Variants in WDR41 observed in about 807,000 individuals in gnomAD.
The protein encoded by WDR41 is WD repeat domain 41.
WDR41 carries 63 observed loss-of-function variants against 69.3 expected under a neutral mutation model. The ratio of observed to expected loss-of-function variants is 0.91; its 90% CI spans 0.74 to 1.12. The LOEUF (loss-of-function observed/expected upper bound fraction) is 1.12, where lower values mean the gene tolerates loss of function less well. Ranked by LOEUF, WDR41 falls within the 50% of genes most tolerant of loss-of-function variation. The pLI, the probability that WDR41 is intolerant of heterozygous loss-of-function variation, is 0.00. For synonymous variants in WDR41, 185 were observed against 192.1 expected, an observed-to-expected ratio of 0.96 and a Z score of 0.31; for missense variants, 543 against 534.5, an observed-to-expected ratio of 1.02 and a Z score of -0.16.
intron 1 of WDR41, among the ~76,000 whole-genome samples, chr5:77,543,694 G>A (rs1302168111): frequency 6.6e-6 from 1 of 152,090 alleles, no homozygotes; most frequent in Admixed American, 6.5e-5. Context: ...CGGTGTTCCT[G>A]AGGAAGAAGA....
intron 1 of WDR41, among the ~76,000 whole-genome samples, chr5:77,572,632 A>G (rs1052261198): frequency 1.3e-5 from 2 of 152,230 alleles, no homozygotes; most frequent in Admixed American, 1.3e-4. Context: ...TCTTAAGGAC[A>G]GTGGATGAAT....
chr5:77,599,079 C>T (rs1744278409), intron 1 of WDR41, among the ~76,000 whole-genome samples: 1 of 151,092 alleles, frequency 6.6e-6, no homozygotes, highest in African/African-American at 2.4e-5. Context: ...AAGTCTAAAA[C>T]CAGTTGCATA....
rs3149 is a variant in WDR41, at chr5:77,432,611, A to C, written c.*524T>G. ...TAGCTAGAACTAAAAAACATTTTTAAAATTATCTAAACAAATTGGTACCAA... is the reference window on the plus strand; with the variant it reads ...TAGCTAGAACTAAAAAACATTTTTACAATTATCTAAACAAATTGGTACCAA... On this transcript the variant is annotated 3_prime_UTR_variant, in exon 13 of 13. Transcript: ENST00000296679. 22,301 of 152,224 alleles carry C rather than the reference A, an allele frequency of 0.15. 1,886 individuals carry two copies. Among genetic ancestry groups the C allele is most frequent in the South Asian group, 0.21 (991 of 4,826 alleles). The allele number at this position is 152,224 out of a possible 1,614,324, so 9.4% of individuals were successfully genotyped here.
chr5:77,477,592 T>C lies in WDR41; in HGVS notation c.167+11865A>G, dbSNP rs1375532809. ...AATGACTACTGGGTACATAACGAAATGAAGGCAGAAATAAAGATGTTCTTT... is the reference window on the plus strand; with the variant it reads ...AATGACTACTGGGTACATAACGAAACGAAGGCAGAAATAAAGATGTTCTTT... On this transcript the variant is annotated intron_variant, in intron 2 of 12. Transcript: ENST00000296679. Among the ~76,000 whole-genome samples, 83 of 85,968 alleles carry C rather than the reference T, an allele frequency of 9.7e-4. 26 individuals are homozygous for C. Among genetic ancestry groups the C allele is most frequent in the Non-Finnish European group, 6.5e-4 (33 of 50,434 alleles). The allele number at this position is 85,968 out of a possible 152,430, so 56.4% of individuals were successfully genotyped here. A position where few individuals can be genotyped will look rare whatever the true frequency, so the allele number is the denominator to read the frequency against.
rs569607043 is a variant in WDR41, at chr5:77,502,554, A to G, written c.43-12982T>C. Among the ~76,000 whole-genome samples the G allele has an allele frequency of 5.9e-5, 9 of 152,340 alleles. No individual in the cohort carries two copies. In the South Asian group the frequency reaches 1.7e-3, roughly 28 times the overall value. ...GATACTCCTCAAGAAGAGCAACCCC[A>G]AGACACATAATTATCAGATTCACCA... is the stretch of plus-strand genomic sequence containing the variant. On this transcript the variant is annotated intron_variant, in intron 1 of 5. Transcript: ENST00000509971.
intron 11 of WDR41, 109 bp from the exon 12 acceptor site, chr5:77,436,503 G>A (rs1798940714): frequency 2.9e-6 from 4 of 1,362,930 alleles, no homozygotes; most frequent in Admixed American, 4.0e-5. Flanking sequence ...TTTAGTCAAG[G>A]GCTAAGTGGA....
At chr5:77,457,185 T>C (rs1282957626) in intron 5 of WDR41, among the ~76,000 whole-genome samples, 1 of 152,186 alleles carries the variant, frequency 6.6e-6, no homozygotes, top group Non-Finnish European at 1.5e-5. Context: ...TCCTTTATTC[T>C]TACTATGGTG....
At chr5:77,529,601 T>C (rs1802497211) in intron 1 of WDR41, among the ~76,000 whole-genome samples, 1 of 151,608 alleles carries the variant, frequency 6.6e-6, no homozygotes, top group Non-Finnish European at 1.5e-5. Flanking sequence ...GAAGACTTGC[T>C]TTATCATATA....
chr5:77,507,031 A>G (rs771117528), intron 1 of WDR41, among the ~76,000 whole-genome samples: 3 of 152,240 alleles, frequency 2.0e-5, no homozygotes, highest in Non-Finnish European at 4.4e-5. Context: ...AACTTAAAGT[A>G]TAATTTTAAA....
intron 1 of WDR41, among the ~76,000 whole-genome samples, chr5:77,610,105 G>C (rs1367319796): frequency 6.6e-6 from 1 of 152,092 alleles, no homozygotes; most frequent in Non-Finnish European, 1.5e-5. Context: ...GAAGTTTAGA[G>C]AAAAAAGAAT....
intron 1 of WDR41, among the ~76,000 whole-genome samples, chr5:77,539,477 A>T (rs1237217808): frequency 6.6e-6 from 1 of 152,074 alleles, no homozygotes; most frequent in Non-Finnish European, 1.5e-5. Context: ...TGCCTTTCTA[A>T]TGAGCTCTCT....
chr5:77,437,707 T>TA (rs1798998017), intron 10 of WDR41, among the ~76,000 whole-genome samples: 1 of 152,218 alleles, frequency 6.6e-6, no homozygotes, highest in Non-Finnish European at 1.5e-5. Context: ...CACAATGTCC[T>TA]AAGCAGCCCC....
chr5:77,505,206 G>A (rs546213009), intron 1 of WDR41, among the ~76,000 whole-genome samples: 34 of 152,128 alleles, frequency 2.2e-4, no homozygotes, highest in African/African-American at 7.2e-4. Context: ...AATGTGCAAA[G>A]ATCACAAGCA....
chr5:77,470,799 A>G (rs1800558398), intron 2 of WDR41, among the ~76,000 whole-genome samples: 1 of 152,192 alleles, frequency 6.6e-6, no homozygotes, highest in South Asian at 2.1e-4. Flanking sequence ...AGACCTAGAA[A>G]GAGACTTAGA....
At chr5:77,433,936 A>G (rs1378622944) in intron 12 of WDR41, among the ~76,000 whole-genome samples, 1 of 152,176 alleles carries the variant, frequency 6.6e-6, no homozygotes, top group Non-Finnish European at 1.5e-5. Context: ...AGGAAAACAG[A>G]GTGTTGACAA....
intron 3 of WDR41, 79 bp downstream of exon 3, chr5:77,464,682 C>T (rs945959982): frequency 5.0e-5 from 70 of 1,394,820 alleles, no homozygotes; most frequent in Non-Finnish European, 7.1e-5. Flanking sequence ...AATGTATCCC[C>T]AGATAGTATT....
intron 4 of WDR41, among the ~76,000 whole-genome samples, chr5:77,461,237 TGAGA>T (rs924633004): frequency 1.3e-5 from 2 of 152,228 alleles, no homozygotes; most frequent in South Asian, 2.1e-4. Flanking sequence ...CCTAACCATC[TGAGA>T]GAATTTTATG....
In WDR41 at chr5:77,438,359, A is replaced by C; in HGVS notation, c.885T>G (p.Asn295Lys). Residue 295 changes from asparagine (N) to lysine (K), a missense_variant and splice_region_variant, in exon 10 of 13, where the codon AAT (asparagine) becomes AAG (lysine). Transcript: ENST00000296679. ...SIHHFTCDEE[N>K]VFAAVGRGLY... is the part of the protein sequence containing the mutation. ...AACCCCTTCCAACTGCAGCAAATAC[A>C]TTCTAGGGGAAGAAGTTCAGAAATG... The C allele has an allele frequency of 6.2e-7, 1 of 1,613,764 alleles. No homozygotes were observed. The highest frequency in any genetic ancestry group is 8.5e-7 in the Non-Finnish European group (1 of 1,179,754).
chr5:77,484,778 T>G (rs994292207), intron 2 of WDR41, among the ~76,000 whole-genome samples: 1 of 152,188 alleles, frequency 6.6e-6, no homozygotes, highest in Non-Finnish European at 1.5e-5. Context: ...AATACCTGCC[T>G]TCCAGACCCC....
Sources: allele counts gnomAD v4.1 joint callset (sites outside exome capture counted in the v4.1 genomes callset), GRCh38; gene constraint gnomAD v4.1.1; transcripts MANE v1.5; gene names NCBI Gene and HGNC (gene_info 2026-07-23, HGNC 2026-07-21).